Variants in ADGRL2 observed in about 807,000 individuals in gnomAD.
The protein encoded by ADGRL2 is adhesion G protein-coupled receptor L2.
In ADGRL2, 44 loss-of-function variants were observed where a neutral mutation model predicts 157.4. The observed-to-expected ratio is 0.28, with a 90% CI of 0.22 to 0.36. The LOEUF is 0.36. ADGRL2 is among the 10% of genes least tolerant of loss of function. ADGRL2 has a pLI of 1.00. For missense variants in ADGRL2, 1,510 were observed against 1,768.9 expected, an observed-to-expected ratio of 0.85 and a Z score of 2.63; for synonymous variants, 585 against 624.7, an observed-to-expected ratio of 0.94 and a Z score of 0.95.
intron 1 of ADGRL2, among the ~76,000 whole-genome samples, chr1:81,754,145 A>C (rs1452484464): frequency 1.3e-4 from 20 of 151,992 alleles, no homozygotes; most frequent in Admixed American, 1.2e-3. Context: ...CTTGGACTTA[A>C]TAGACTCCTT....
chr1:81,511,121 A>C (rs2079067429), intron 2 of ADGRL2, among the ~76,000 whole-genome samples: 1 of 152,152 alleles, frequency 6.6e-6, no homozygotes, highest in African/African-American at 2.4e-5. Flanking sequence ...TTTACATTAT[A>C]TCTATAACAA....
chr1:81,743,034 G>A (rs558369529), intron 1 of ADGRL2, among the ~76,000 whole-genome samples: 48 of 151,826 alleles, frequency 3.2e-4, no homozygotes, highest in African/African-American at 1.1e-3. Flanking sequence ...TTTTTTTAAG[G>A]CACCGTTCTT....
chr1:81,854,980 T>A (rs963368263), intron 2 of ADGRL2, among the ~76,000 whole-genome samples: 2 of 152,120 alleles, frequency 1.3e-5, no homozygotes, highest in South Asian at 2.1e-4. Flanking sequence ...CAAAGGTGAT[T>A]ATATATTTTT....
chr1:81,968,628 C>A (rs1657834623), intron 14 of ADGRL2, among the ~76,000 whole-genome samples: 1 of 152,142 alleles, frequency 6.6e-6, no homozygotes, highest in South Asian at 2.1e-4. Flanking sequence ...GTCAAAATGG[C>A]TTCTGGAATA....
At chr1:81,710,497 G>A (rs1307487745) in intron 1 of ADGRL2, among the ~76,000 whole-genome samples, 19 of 151,600 alleles carry the variant, frequency 1.3e-4, no homozygotes, top group Non-Finnish European at 1.9e-4. Context: ...GCACACACCT[G>A]TAGTCCCAGC....
At chr1:81,375,485 A>C (rs2076234207) in intron 1 of ADGRL2, among the ~76,000 whole-genome samples, 1 of 152,244 alleles carries the variant, frequency 6.6e-6, no homozygotes, top group South Asian at 2.1e-4. Flanking sequence ...CTATGAATGA[A>C]CTAACTGTAG....
chr1:81,764,676 T>G lies in ADGRL2; in HGVS notation c.-101+2824T>G, dbSNP rs569487564. ...TCAGCTATTCACCAACAGTAAGAAT[T>G]GAGGGACCAAGATTAGCTGTATGAT... On this transcript the variant is annotated intron_variant, in intron 2 of 20. Coordinates refer to the ADGRL2 transcript ENST00000359929. Among the ~76,000 whole-genome samples, 33 of 152,136 alleles carry G rather than the reference T, an allele frequency of 2.2e-4. 1 individual carries two copies. Among genetic ancestry groups the G allele is most frequent in the Non-Finnish European group, 3.7e-4 (25 of 67,980 alleles).
intron 2 of ADGRL2, among the ~76,000 whole-genome samples, chr1:81,901,613 T>G (rs2094489060): frequency 6.6e-6 from 1 of 151,714 alleles, no homozygotes; most frequent in Admixed American, 6.6e-5. Context: ...TTCCCGTGAG[T>G]CAGTATTCTA....
intron 2 of ADGRL2, among the ~76,000 whole-genome samples, chr1:81,773,182 C>A (rs1407490621): frequency 6.6e-6 from 1 of 152,148 alleles, no homozygotes; most frequent in Non-Finnish European, 1.5e-5. Flanking sequence ...CCAAGCAAGG[C>A]TGATTCTGAG....
In ADGRL2 at chr1:81,580,418, G is replaced by A. The variant is rs139097351; in HGVS notation, c.-247-458G>A. Among the ~76,000 whole-genome samples, 22 of 151,986 alleles carry A rather than the reference G, an allele frequency of 1.4e-4. No individual in the cohort carries two copies. The East Asian group carries it at 3.9e-3, about 27-fold the overall frequency. On this transcript the variant is annotated intron_variant, in intron 2 of 24. Coordinates refer to the ADGRL2 transcript ENST00000370721. ...CTGAACTGGTGTTAAGAGAAAACAG[G>A]GGTATTGAAAAGTGAGTGGGCACTT...
rs543895357 is a variant in ADGRL2 at position 81,732,137 on chromosome 1, T to C, written c.-142-29674T>C. 7.2e-5 allele frequency among the ~76,000 whole-genome samples: 11 copies of C among 152,320 alleles called. No homozygotes were observed. The East Asian group carries it at 2.1e-3, about 29-fold the overall frequency. ...GAGTAGTGATCACATATTCATTATC[T>C]TGACCTTGGAGCAGGTCAGAGTAGA... is the stretch of plus-strand genomic sequence containing the variant. On this transcript the variant is annotated intron_variant, in intron 1 of 20. Coordinates refer to the ADGRL2 transcript ENST00000359929.
At chr1:81,538,521 G>C (rs1489086007) in intron 2 of ADGRL2, among the ~76,000 whole-genome samples, 1 of 152,182 alleles carries the variant, frequency 6.6e-6, no homozygotes, top group Non-Finnish European at 1.5e-5. Flanking sequence ...ATTCATGGTA[G>C]TTGTTCAGGC....
intron 2 of ADGRL2, among the ~76,000 whole-genome samples, chr1:81,779,289 C>G (rs1158478155): frequency 1.3e-5 from 2 of 152,144 alleles, no homozygotes; most frequent in Admixed American, 1.3e-4. Flanking sequence ...TCTGAGAGAA[C>G]TCTTAGAAAG....
intron 3 of ADGRL2, among the ~76,000 whole-genome samples, chr1:81,592,776 G>A (rs1429949537): frequency 6.6e-6 from 1 of 152,074 alleles, no homozygotes; most frequent in Non-Finnish European, 1.5e-5. Flanking sequence ...GTGTGTAGGT[G>A]TGGGGAAGGA....
At chr1:81,492,867 T>A (rs763173284) in intron 2 of ADGRL2, among the ~76,000 whole-genome samples, 2 of 152,198 alleles carry the variant, frequency 1.3e-5, no homozygotes, top group African/African-American at 4.8e-5. Context: ...GGATTTCTTC[T>A]TCTATCCAGA....
intron 1 of ADGRL2, among the ~76,000 whole-genome samples, chr1:81,811,823 T>A (rs970674612): frequency 5.9e-5 from 9 of 151,816 alleles, no homozygotes; most frequent in Non-Finnish European, 1.0e-4. Context: ...AGATGCTACC[T>A]TTGTTTACTT....
At chr1:81,654,034 C>G (rs1297888294) in intron 3 of ADGRL2, among the ~76,000 whole-genome samples, 1 of 152,108 alleles carries the variant, frequency 6.6e-6, no homozygotes, top group Non-Finnish European at 1.5e-5. Context: ...CAACCTCCAT[C>G]CCCCAGGTTC....
intron 1 of ADGRL2, among the ~76,000 whole-genome samples, chr1:81,756,983 T>C (rs916662962): frequency 6.6e-6 from 1 of 152,144 alleles, no homozygotes; most frequent in African/African-American, 2.4e-5. Flanking sequence ...AGTGACACTT[T>C]GGTTTACTAG....
intron 3 of ADGRL2, among the ~76,000 whole-genome samples, chr1:81,586,804 C>T (rs1404005452): frequency 6.6e-6 from 1 of 152,034 alleles, no homozygotes; most frequent in Non-Finnish European, 1.5e-5. Context: ...TTACTTCCTA[C>T]CACCTTCAAA....
Sources: allele counts gnomAD v4.1 joint callset (sites outside exome capture counted in the v4.1 genomes callset), GRCh38; gene constraint gnomAD v4.1.1; transcripts MANE v1.5; gene names NCBI Gene and HGNC (gene_info 2026-07-23, HGNC 2026-07-21).